Variants in CHODL observed in about 807,000 individuals in gnomAD.
CHODL encodes chondrolectin, also known as transmembrane protein MT75.
A neutral mutation model predicts 34.5 loss-of-function variants in CHODL; 29 were observed. The observed-to-expected ratio is 0.84, with a 90% confidence interval of 0.63 to 1.15. CHODL has a LOEUF of 1.15. CHODL is among the 50% of genes most tolerant of loss of function. CHODL has a pLI of 0.00. For missense variants in CHODL, 332 were observed against 332.5 expected (o/e 1.00, Z 0.01); for synonymous variants, 125 against 116.1 (o/e 1.08, Z -0.49).
At chr21:18,179,207 C>T (rs9305848) in intron 2 of CHODL, among the ~76,000 whole-genome samples, 3,352 of 152,152 alleles carry the variant, frequency 0.022, 106 homozygotes, top group African/African-American at 0.076. Context: ...GAAAAAATCT[C>T]GGTCAGGTTT....
intron 2 of CHODL, among the ~76,000 whole-genome samples, chr21:18,171,526 T>C (rs28828976): frequency 0.017 from 2,629 of 152,110 alleles, 69 homozygotes; most frequent in African/African-American, 0.057. Context: ...TCTTTCAACA[T>C]GTTTATAAGA....
intron 2 of CHODL, among the ~76,000 whole-genome samples, chr21:18,130,708 A>G (rs1304363960): frequency 1.3e-5 from 2 of 152,176 alleles, no homozygotes; most frequent in African/African-American, 4.8e-5. Flanking sequence ...ATAGGTAAAA[A>G]GATGTAGGAT....
At position 18,257,030 on chromosome 21, in the gene CHODL, A is replaced by G. The variant is rs371994161; in HGVS notation, c.450A>G (p.Gln150=). The change falls in exon 3 of 6, where the codon CAA becomes CAG. Residue 150 remains glutamine (Q), a synonymous_variant. Transcript: ENST00000299295. ...GSEKCVVMYH[Q]PTANPGLGGP... is the part of the protein sequence containing the mutation. ...AAAAGTGTGTTGTGATGTATCACCAACCAACTGCCAATCCTGGCCTTGGGG... is the reference window on the plus strand; with the variant it reads ...AAAAGTGTGTTGTGATGTATCACCAGCCAACTGCCAATCCTGGCCTTGGGG... 22 of 1,613,926 alleles carry G rather than the reference A, an allele frequency of 1.4e-5. No individual in the cohort carries two copies. The highest frequency in any genetic ancestry group is 1.6e-4 in the Middle Eastern group (1 of 6,078).
At chr21:18,126,440 A>G (rs887983876) in intron 2 of CHODL, among the ~76,000 whole-genome samples, 5 of 152,170 alleles carry the variant, frequency 3.3e-5, no homozygotes, top group Non-Finnish European at 7.4e-5. Context: ...TGCTATATTC[A>G]CTTTATTACG....
rs34768313 is a variant in CHODL, at chr21:17,947,544, G to GACACAC, written c.-145+30162_-145+30167dup. Reference sequence around the variant, plus strand: ...CAACCTAATAAGAAACACACACACAGACACACACACACACACACACACATA... The same window carrying GACACAC: ...CAACCTAATAAGAAACACACACACAGACACACACACACACACACACACACACACATA... On this transcript the variant is annotated intron_variant, in intron 1 of 6. Transcript: ENST00000400127. 8.7e-5 allele frequency among the ~76,000 whole-genome samples: 13 copies of GACACAC among 149,676 alleles called. No individual in the cohort carries two copies. The South Asian group carries it at 1.7e-3, about 19-fold the overall frequency.
intron 1 of CHODL, among the ~76,000 whole-genome samples, chr21:18,008,851 G>A (rs900128325): frequency 2.0e-5 from 3 of 152,100 alleles, no homozygotes; most frequent in South Asian, 4.1e-4. Context: ...AATTAGCCTC[G>A]TCTAGTTGTT....
intron 1 of CHODL, among the ~76,000 whole-genome samples, chr21:18,018,475 T>G (rs1249851933): frequency 6.6e-6 from 1 of 152,034 alleles, no homozygotes; most frequent in South Asian, 2.1e-4. Context: ...CATTTAGAAG[T>G]GTGTGGCACC....
At chr21:18,023,575 A>T (rs996785990) in intron 1 of CHODL, among the ~76,000 whole-genome samples, 2 of 152,068 alleles carry the variant, frequency 1.3e-5, no homozygotes, top group East Asian at 3.9e-4. Context: ...GTTGGTAAAG[A>T]GGAGCCTGGC....
intron 2 of CHODL, among the ~76,000 whole-genome samples, chr21:18,183,897 T>A (rs949132041): frequency 6.6e-6 from 1 of 152,198 alleles, no homozygotes; most frequent in Non-Finnish European, 1.5e-5. Flanking sequence ...AACAGCGAAG[T>A]TCTAGCTTTT....
rs1360050317 is a variant in CHODL at position 18,249,030 on chromosome 21, AAT to A, written c.79+3736_79+3737del. ...TATAATATATATTATACATAATATT[AAT>A]ATATATAATATTATATATATTATAT... On this transcript the variant is annotated intron_variant, in intron 1 of 5. Transcript: ENST00000299295. 2.2e-3 allele frequency among the ~76,000 whole-genome samples: 261 copies of A among 118,608 alleles called. 2 individuals are homozygous for A. Among genetic ancestry groups the A allele is most frequent in the African/African-American group, 9.0e-3 (253 of 28,006 alleles). 77.8% of individuals were successfully genotyped at this position (118,608 alleles called of 152,430 possible).
chr21:17,991,786 T>C (rs1250266031), intron 1 of CHODL, among the ~76,000 whole-genome samples: 1 of 152,082 alleles, frequency 6.6e-6, no homozygotes, highest in Non-Finnish European at 1.5e-5. Context: ...GTTGTCTCTT[T>C]ATGCTGTTGT....
chr21:18,044,703 A>T (rs2064420455), intron 2 of CHODL, among the ~76,000 whole-genome samples: 1 of 151,810 alleles, frequency 6.6e-6, no homozygotes, highest in African/African-American at 2.4e-5. Context: ...CTCTTTTATG[A>T]TATCAATAAT....
intron 2 of CHODL, among the ~76,000 whole-genome samples, chr21:18,203,445 G>A (rs577178376): frequency 4.1e-4 from 62 of 152,210 alleles, no homozygotes; most frequent in African/African-American, 1.4e-3. Context: ...CTTCTAAGTT[G>A]CATTTAAATC....
intron 3 of CHODL, among the ~76,000 whole-genome samples, chr21:18,259,616 GTTA>G (rs907535095): frequency 2.0e-5 from 3 of 152,204 alleles, no homozygotes; most frequent in African/African-American, 4.8e-5. Flanking sequence ...TTAATTTAGT[GTTA>G]TTATTATTAT....
intron 2 of CHODL, among the ~76,000 whole-genome samples, chr21:18,136,096 A>G (rs2072719503): frequency 2.0e-5 from 2 of 100,168 alleles, no homozygotes; most frequent in South Asian, 7.8e-4. Flanking sequence ...ACAGAGCAAG[A>G]TTATGTCTCA....
At chr21:18,259,899 C>G (rs2074360340) in intron 3 of CHODL, among the ~76,000 whole-genome samples, 1 of 152,144 alleles carries the variant, frequency 6.6e-6, no homozygotes, top group Non-Finnish European at 1.5e-5. Flanking sequence ...TGTGACTGGT[C>G]CGCCATTATT....
chr21:17,983,777 A>G (rs1202034126), intron 1 of CHODL, among the ~76,000 whole-genome samples: 1 of 152,200 alleles, frequency 6.6e-6, no homozygotes, highest in Non-Finnish European at 1.5e-5. Flanking sequence ...ATAACCGCAC[A>G]TATTTAATGG....
intron 2 of CHODL, among the ~76,000 whole-genome samples, chr21:18,156,113 T>G (rs886373343): frequency 2.0e-5 from 3 of 152,108 alleles, no homozygotes; most frequent in African/African-American, 4.8e-5. Context: ...GAAAGGAAAA[T>G]CAAAGTGACT....
At chr21:18,174,121 GTGTATATATATATA>G (rs1254946756) in intron 2 of CHODL, among the ~76,000 whole-genome samples, 2,893 of 60,622 alleles carry the variant, frequency 0.048, 437 homozygotes, top group African/African-American at 0.11. Context: ...ATATATCTTG[GTGTATATATATATA>G]TATATATATA....
Sources: gnomAD v4.1 joint callset for allele counts (sites outside exome capture counted in the v4.1 genomes callset) on GRCh38, gnomAD v4.1.1 for gene constraint, MANE v1.5 for transcripts, NCBI Gene and HGNC (gene_info 2026-07-23, HGNC 2026-07-21) for gene names.